The following ARMCX4 variants were observed in gnomAD, a reference collection of about 807,000 sequenced individuals.
ARMCX4 encodes the protein armadillo repeat-containing X-linked protein 4.
In ARMCX4, 3 loss-of-function variants were observed where a neutral mutation model predicts 34.7. That is an observed-to-expected ratio of 0.09 (90% CI 0.04 to 0.22). The LOEUF (loss-of-function observed/expected upper bound fraction) is 0.22. Among genes scored for constraint, ARMCX4 ranks in the 10% least tolerant of loss-of-function variants. ARMCX4 has a pLI of 1.00. For synonymous variants in ARMCX4, 513 were observed against 632.8 expected (o/e 0.81, Z 2.84); for missense variants, 1,448 against 1,720.8 (o/e 0.84, Z 2.81).
chrX:101,523,651 A>G (rs1456112636), intron 11 of ARMCX4, among the ~76,000 whole-genome samples: 1 of 111,906 alleles, frequency 8.9e-6, no homozygotes, highest in African/African-American at 3.2e-5. Flanking sequence ...GACCAAGCAA[A>G]CAACAACAAT....
upstream of ARMCX4, among the ~76,000 whole-genome samples, chrX:101,484,935 C>A (rs1933622717): frequency 9.0e-6 from 1 of 110,978 alleles, no homozygotes; most frequent in Admixed American, 9.5e-5. Flanking sequence ...AAAAGGAACA[C>A]GAAAAAGAAA....
chrX:101,475,805 AAC>A (rs1556004121), intron 4 of ARMCX4, among the ~76,000 whole-genome samples: 4 of 111,682 alleles, frequency 3.6e-5, no homozygotes, highest in African/African-American at 1.3e-4. Flanking sequence ...TAGAAAATGT[AAC>A]ACAATCGTTT....
At chrX:101,459,324 T>C (rs1032526174) in intron 4 of ARMCX4, among the ~76,000 whole-genome samples, 25 of 112,314 alleles carry the variant, frequency 2.2e-4, no homozygotes, top group African/African-American at 7.5e-4. Flanking sequence ...TTAGCTGAAT[T>C]GACTTTCTTC....
rs1339156417 is a variant in ARMCX4 at position 101,490,493 on chromosome X, G to A, written c.1904G>A (p.Ser635Asn). ...TCTGCCCAGCCTGAGGCAGTGGTCA[G>A]TTTCCAGGGTGAGGCCTTGCTTGGC... ...TDSAQPEAVV[S>N]FQGEALLGTK... Residue 635 changes from serine to asparagine, a missense_variant, in exon 6 of 6, where the codon AGT (serine) becomes AAT (asparagine). Coordinates refer to ENST00000423738, the MANE Select transcript of ARMCX4 (RefSeq NM_001256155.3). 4 of 1,153,354 alleles carry A rather than the reference G, an allele frequency of 3.5e-6. No individual in the cohort carries two copies. In the African/African-American group the frequency reaches 7.2e-5, roughly 21 times the overall value.
At chrX:101,517,222 TATTC>T (rs1396623676) in intron 11 of ARMCX4, among the ~76,000 whole-genome samples, 1 of 112,777 alleles carries the variant, frequency 8.9e-6, no homozygotes, top group African/African-American at 3.2e-5. Flanking sequence ...CAGTAAGTTG[TATTC>T]TGATTTAGAA....
At chrX:101,438,421 C>A (rs1473678807) in intron 2 of ARMCX4, among the ~76,000 whole-genome samples, 1 of 110,816 alleles carries the variant, frequency 9.0e-6, no homozygotes, top group Non-Finnish European at 1.9e-5. Context: ...AATAATTAGC[C>A]AGGTATGGTG....
chrX:101,507,061 C>T (rs1267255411), intron 8 of ARMCX4, among the ~76,000 whole-genome samples: 1 of 110,965 alleles, frequency 9.0e-6, no homozygotes, highest in Non-Finnish European at 1.9e-5. Context: ...TGTCTTATAC[C>T]TCCCATCCTA....
At chrX:101,500,808 A>T (rs987856475) in intron 7 of ARMCX4, among the ~76,000 whole-genome samples, 2 of 112,020 alleles carry the variant, frequency 1.8e-5, no homozygotes, top group Non-Finnish European at 3.8e-5. Context: ...CTGTCATAAT[A>T]TAGTCTGAAG....
At chrX:101,503,258 G>A (rs1337277744) in intron 7 of ARMCX4, among the ~76,000 whole-genome samples, 1 of 110,733 alleles carries the variant, frequency 9.0e-6, no homozygotes, top group Non-Finnish European at 1.9e-5. Flanking sequence ...ATGTGCATGT[G>A]TCTTTATAGC....
At chrX:101,518,566 T>C (rs1934789476) in intron 11 of ARMCX4, among the ~76,000 whole-genome samples, 1 of 111,145 alleles carries the variant, frequency 9.0e-6, no homozygotes, top group Admixed American at 9.6e-5. Context: ...AAATATAAGA[T>C]GGCAGGAATA....
intron 2 of ARMCX4, among the ~76,000 whole-genome samples, chrX:101,436,767 T>C (rs1169738132): frequency 4.5e-5 from 5 of 111,612 alleles, no homozygotes; most frequent in African/African-American, 1.6e-4. Context: ...TTCAGTATGA[T>C]ATTGACTGTG....
rs782574679 is a variant in ARMCX4 at position 101,443,610 on chromosome X, G to C, written n.165-442G>C. ...GGGAGTACCCAGATTAGAGGATACTGTGAGCAAATGAGTTGGAGTGCTCTT... is the reference window on the plus strand; with the variant it reads ...GGGAGTACCCAGATTAGAGGATACTCTGAGCAAATGAGTTGGAGTGCTCTT... On this transcript the variant is annotated intron_variant and non_coding_transcript_variant, in intron 2 of 3. Transcript: ENST00000430461. 7.0e-5 allele frequency: 11 copies of C among 157,267 alleles called. No homozygotes were observed. The South Asian group carries it at 1.7e-3, about 24-fold the overall frequency. The allele number at this position is 157,267 out of a possible 1,213,427, so 13.0% of individuals were successfully genotyped here. A position where few individuals can be genotyped will look rare whatever the true frequency, so the allele number is the denominator to read the frequency against.
Position 101,490,325 on chromosome X carries a change from G to A in ARMCX4, c.1736G>A (p.Gly579Glu), listed in dbSNP as rs1306850336. Residue 579 changes from glycine to glutamate, a missense_variant, in exon 6 of 6, where the codon GGG (glycine) becomes GAG (glutamate). Coordinates refer to ENST00000423738, the MANE Select transcript of ARMCX4 (RefSeq NM_001256155.3). ...AATCCTAATGCCACTTCTAAAGCCGGGACTAAGGCAGACCAGAGGGTCTGT... is the reference window on the plus strand; with the variant it reads ...AATCCTAATGCCACTTCTAAAGCCGAGACTAAGGCAGACCAGAGGGTCTGT... ...RGNPNATSKA[G>E]TKADQRVCGQ... The A allele has an allele frequency of 8.7e-7, 1 of 1,152,732 alleles. No individual in the cohort carries two copies. The highest frequency in any genetic ancestry group is 1.8e-5 in the African/African-American group (1 of 55,371). 95.0% of individuals were successfully genotyped at this position (1,152,732 alleles called of 1,213,427 possible). A position where few individuals can be genotyped will look rare whatever the true frequency, so the allele number is the denominator to read the frequency against.
intron 11 of ARMCX4, among the ~76,000 whole-genome samples, chrX:101,529,774 G>C (rs939847972): frequency 9.8e-5 from 11 of 111,821 alleles, no homozygotes; most frequent in African/African-American, 3.3e-4. Flanking sequence ...CAAATCAAAA[G>C]CACAATGAGA....
chrX:101,447,197 G>C (rs975276047), downstream of ARMCX4, among the ~76,000 whole-genome samples: 1 of 112,242 alleles, frequency 8.9e-6, no homozygotes, highest in Admixed American at 9.5e-5. Context: ...GTCACACACT[G>C]TTGTTTTTGC....
intron 2 of ARMCX4, chrX:101,443,904 T>C: frequency 2.6e-6 from 1 of 380,613 alleles, no homozygotes; most frequent in Non-Finnish European, 5.1e-6. Flanking sequence ...CCTGTATGCT[T>C]CAGGATGAAG....
chrX:101,501,712 C>T (rs1215674567), intron 7 of ARMCX4, among the ~76,000 whole-genome samples: 1 of 112,525 alleles, frequency 8.9e-6, no homozygotes, highest in Non-Finnish European at 1.9e-5. Flanking sequence ...GTTCCTAGAA[C>T]CATATAAGGC....
At chrX:101,464,202 G>T (rs1932752090) in intron 4 of ARMCX4, among the ~76,000 whole-genome samples, 1 of 109,172 alleles carries the variant, frequency 9.2e-6, no homozygotes, top group South Asian at 4.1e-4. Context: ...GTGAAGCCCC[G>T]TCTCGATGAA....
chrX:101,479,552 C>T (rs1933351279), intron 4 of ARMCX4, among the ~76,000 whole-genome samples: 1 of 107,955 alleles, frequency 9.3e-6, no homozygotes, highest in Non-Finnish European at 1.9e-5. Flanking sequence ...ACAGTCTGGG[C>T]TCACTGCAAC....
Sources: allele counts gnomAD v4.1 joint callset (sites outside exome capture counted in the v4.1 genomes callset), GRCh38; gene constraint gnomAD v4.1.1; transcripts MANE v1.5; gene names NCBI Gene and HGNC (gene_info 2026-07-23, HGNC 2026-07-21).